The following RSPH10B variants were observed in gnomAD, a reference collection of about 807,000 sequenced individuals.
The protein encoded by RSPH10B is radial spoke head 10 homolog B (Chlamydomonas).
In RSPH10B, 7 loss-of-function variants were observed where a neutral mutation model predicts 52.5. The observed-to-expected ratio is 0.13, with a 90% confidence interval of 0.08 to 0.25. The LOEUF is 0.25. RSPH10B is among the 10% of genes least tolerant of loss of function. RSPH10B has a pLI of 1.00. For synonymous variants in RSPH10B, 28 were observed against 193.2 expected, an observed-to-expected ratio of 0.14 and a Z score of 7.09; for missense variants, 89 against 542.5, an observed-to-expected ratio of 0.16 and a Z score of 8.30.
chr7:5,944,923 ACTG>A (rs1231197817), intron 11 of RSPH10B, 138 bp downstream of exon 13: 9 of 654,434 alleles, frequency 1.4e-5, no homozygotes, highest in Non-Finnish European at 1.4e-5. Flanking sequence ...AGATTGTGCC[ACTG>A]CACTCCAGCC....
intron 5 of RSPH10B, among the ~76,000 whole-genome samples, chr7:5,958,636 T>C (rs1323437426): frequency 8.0e-6 from 1 of 124,628 alleles, no homozygotes; most frequent in African/African-American, 3.0e-5. Flanking sequence ...AAGAGCCGGG[T>C]TTTTAAAATT....
At chr7:5,931,228 G>C (rs1233765217) in intron 17 of RSPH10B, among the ~76,000 whole-genome samples, 2 of 146,432 alleles carry the variant, frequency 1.4e-5, no homozygotes. Flanking sequence ...CACCATGCCC[G>C]GCCAAGAGAA....
chr7:5,930,818 C>G (rs1191616689), intron 17 of RSPH10B, among the ~76,000 whole-genome samples: 146 of 30,422 alleles, frequency 4.8e-3, no homozygotes, highest in Middle Eastern at 0.043. Flanking sequence ...CACAGCCCCC[C>G]AAGATGCCTA....
chr7:5,960,516 C>G (rs1446765466), intron 4 of RSPH10B, among the ~76,000 whole-genome samples, 175 bp downstream of exon 6: 13 of 14,010 alleles, frequency 9.3e-4, no homozygotes, highest in African/African-American at 5.9e-3. Context: ...GCCCCTACCC[C>G]CTTCTCTCCC....
At chr7:5,950,359 TC>T (rs1780550743) in intron 9 of RSPH10B, among the ~76,000 whole-genome samples, 1 of 151,622 alleles carries the variant, frequency 6.6e-6, no homozygotes. Flanking sequence ...TCACCTGAGG[TC>T]AGGAGTTCGA....
intron 17 of RSPH10B, 114 bp from the exon 20 acceptor site, chr7:5,928,508 G>A (rs1401386604): frequency 2.0e-6 from 3 of 1,506,478 alleles, no homozygotes; most frequent in Non-Finnish European, 1.8e-6. Flanking sequence ...TCCTCGGCCA[G>A]GAGAGGGGAG....
At chr7:5,930,993 G>A (rs1779733241) in intron 17 of RSPH10B, among the ~76,000 whole-genome samples, 1 of 101,916 alleles carries the variant, frequency 9.8e-6, no homozygotes, top group African/African-American at 3.6e-5. Context: ...GAATGCAATG[G>A]CATGGTCTCA....
At chr7:5,954,034 A>G (rs1407818307) in intron 7 of RSPH10B, among the ~76,000 whole-genome samples, 264 of 40,192 alleles carry the variant, frequency 6.6e-3, no homozygotes, top group African/African-American at 0.033. Flanking sequence ...TAGTAGAGAC[A>G]GGGTTTCACC....
At chr7:5,964,090 AC>A (rs1419731962) in intron 3 of RSPH10B, among the ~76,000 whole-genome samples, 1 of 140,812 alleles carries the variant, frequency 7.1e-6, no homozygotes, top group African/African-American at 2.8e-5. Context: ...AGACTCACTA[AC>A]TAACTAAGTA....
chr7:5,942,889 ATATT>A (rs919890448), intron 13 of RSPH10B, among the ~76,000 whole-genome samples: 4 of 135,174 alleles, frequency 3.0e-5, no homozygotes, highest in Non-Finnish European at 4.7e-5. Context: ...AAATATATAT[ATATT>A]TATTATATAT....
chr7:5,942,223 C>T (rs1780231421), intron 13 of RSPH10B, among the ~76,000 whole-genome samples: 1 of 142,724 alleles, frequency 7.0e-6, no homozygotes, highest in African/African-American at 2.6e-5. Context: ...ACACTTCAGT[C>T]CATCAAAAAG....
chr7:5,961,043 G>A (rs1354863013), intron 3 of RSPH10B, among the ~76,000 whole-genome samples, 179 bp from the exon 6 acceptor site: 1 of 85,266 alleles, frequency 1.2e-5, no homozygotes, highest in Non-Finnish European at 2.4e-5. Context: ...TGCTCTCATC[G>A]CATCCTCTCT....
At chr7:5,941,741 T>TAA (rs777356713) in intron 13 of RSPH10B, among the ~76,000 whole-genome samples, 1,518 of 128,086 alleles carry the variant, frequency 0.012, 9 homozygotes, top group Non-Finnish European at 0.018. Context: ...AGACTTTGTC[T>TAA]AAAAAAAAAA....
At chr7:5,958,968 CAA>C (rs1278198332) in intron 5 of RSPH10B, 23 bp downstream of exon 7, 2 of 1,326,696 alleles carry the variant, frequency 1.5e-6, no homozygotes, top group African/African-American at 2.9e-5. Flanking sequence ...ATCTACACCC[CAA>C]GCGCGGCGGT....
At chr7:5,944,932 C>G (rs1269604691) in intron 11 of RSPH10B, 132 bp downstream of exon 13, 1 of 635,450 alleles carries the variant, frequency 1.6e-6, no homozygotes, top group Non-Finnish European at 2.8e-6. Flanking sequence ...CACTGCACTC[C>G]AGCCTGGGCG....
At chr7:5,940,942 A>ATTATT (rs1562565206) in intron 13 of RSPH10B, among the ~76,000 whole-genome samples, 12 of 45,976 alleles carry the variant, frequency 2.6e-4, no homozygotes, top group African/African-American at 5.9e-4. Context: ...TAATAATAAT[A>ATTATT]ATTATTATTA....
intron 13 of RSPH10B, among the ~76,000 whole-genome samples, chr7:5,939,585 A>AACACAC (rs762383240): frequency 0.016 from 593 of 36,094 alleles, 12 homozygotes; most frequent in African/African-American, 0.038. Flanking sequence ...ACCTGTCTCA[A>AACACAC]ACACACACAC....
At chr7:5,933,766 C>CA (rs202156286) in intron 16 of RSPH10B, among the ~76,000 whole-genome samples, 1,005 of 92,936 alleles carry the variant, frequency 0.011, 5 homozygotes, top group African/African-American at 0.034. Flanking sequence ...GACTCTGTCT[C>CA]AAAAAAAAAA....
intron 13 of RSPH10B, among the ~76,000 whole-genome samples, chr7:5,942,638 G>C (rs1780254537): frequency 6.8e-6 from 1 of 147,648 alleles, no homozygotes; most frequent in African/African-American, 2.5e-5. Context: ...GAGGCGGGTG[G>C]ATCACCTGGG....
Sources: allele counts gnomAD v4.1 joint callset (sites outside exome capture counted in the v4.1 genomes callset), GRCh38; gene constraint gnomAD v4.1.1; transcripts MANE v1.5; gene names NCBI Gene and HGNC (gene_info 2026-07-23, HGNC 2026-07-21).